Variants in OR4F6 observed in about 807,000 individuals in gnomAD.
OR4F6 encodes olfactory receptor 4F6.
OR4F6 carries 13 observed loss-of-function variants against 15.9 expected under a neutral mutation model. That is an observed-to-expected ratio of 0.82 (90% confidence interval 0.53 to 1.30). The LOEUF (loss-of-function observed/expected upper bound fraction) is 1.30. Ranked by LOEUF, OR4F6 falls within the 50% of genes most tolerant of loss-of-function variation. The pLI is 0.00. For synonymous variants in OR4F6, 150 were observed against 133.8 expected, an observed-to-expected ratio of 1.12 and a Z score of -0.83; for missense variants, 426 against 367.2, an observed-to-expected ratio of 1.16 and a Z score of -1.31.
Position 101,806,812 on chromosome 15 carries a change from C to A in OR4F6, c.*154C>A, listed in dbSNP as rs1436494875. ...TCCCAAATTGAATTGTGGTATCAAT[C>A]TCTTGCTTATATAGGAGATTTAAAG... is the stretch of plus-strand genomic sequence containing the variant. On this transcript the variant is annotated 3_prime_UTR_variant, in exon 2 of 2. Coordinates refer to ENST00000328882, the MANE Select transcript of OR4F6 (RefSeq NM_001005326.2). The A allele has an allele frequency of 4.0e-6, 2 of 502,660 alleles. No individual in the cohort carries two copies. The highest frequency in any genetic ancestry group is 7.4e-5 in the Admixed American group (2 of 26,986). 31.1% of individuals were successfully genotyped at this position (502,660 alleles called of 1,614,324 possible).
chr15:101,806,030 T>C lies in OR4F6; in HGVS notation c.311T>C (p.Ile104Thr), dbSNP rs1428811352. Residue 104 changes from isoleucine to threonine, a missense_variant, in exon 2 of 2, where the codon ATC becomes ACC. By Grantham distance (89) the Ile-to-Thr change is moderately conservative (BLOSUM62 -1). Transcript: ENST00000328882. Reference sequence around the variant, plus strand: ...GGCTGTGTAGTTCAGATCTTCTTTATCCATGCAGTTGGGGGAACTGAGATG... The same window carrying C: ...GGCTGTGTAGTTCAGATCTTCTTTACCCATGCAGTTGGGGGAACTGAGATG... The part of the protein sequence containing the change: ...FGGCVVQIFF[I>T]HAVGGTEMVL... 1.2e-6 allele frequency: 2 copies of C among 1,614,206 alleles called. No homozygotes were observed. The highest frequency in any genetic ancestry group is 4.5e-5 in the East Asian group (2 of 44,884).
chr15:101,804,391 C>A (rs1026124474), intron 1 of OR4F6, among the ~76,000 whole-genome samples: 10 of 152,182 alleles, frequency 6.6e-5, no homozygotes, highest in African/African-American at 2.4e-4. Context: ...CAGGGCTGAG[C>A]AACCTGAGCA....
In OR4F6 at chr15:101,805,882, T is replaced by A. The variant is rs753796049; in HGVS notation, c.163T>A (p.Leu55Ile). ...IVLTVTSDPR[L>I]QSPMYFLLAN... ...GCTAACTGTGACCTCTGACCCTCGT[T>A]TACAGTCCCCCATGTACTTCCTGCT... Residue 55 changes from leucine (L) to isoleucine (I), a missense_variant, in exon 2 of 2, where the codon TTA becomes ATA. Coordinates refer to ENST00000328882, the MANE Select transcript of OR4F6 (RefSeq NM_001005326.2). 5.0e-6 allele frequency: 8 copies of A among 1,614,068 alleles called. No homozygotes were observed. The highest frequency in any genetic ancestry group is 5.9e-6 in the Non-Finnish European group (7 of 1,180,052).
Position 101,806,618 on chromosome 15 carries a change from G to T in OR4F6, c.899G>T (p.Arg300Ile). ...AAAGAGATGATGGTGGCAATGAGAA[G>T]ACGATGCTCTCAGTTTGTGAATTAC... is the stretch of plus-strand genomic sequence containing the variant. ...RNKEMMVAMR[R>I]RCSQFVNYSK... is the part of the protein sequence containing the mutation. The change falls in exon 2 of 2, where the codon AGA (arginine) becomes ATA (isoleucine). Residue 300 changes from arginine to isoleucine, a missense_variant. By Grantham distance (97) the Arg-to-Ile change is moderately conservative (BLOSUM62 -3). Transcript: ENST00000328882. 1 of 1,595,066 alleles carries T rather than the reference G, an allele frequency of 6.3e-7. No homozygotes were observed. Among genetic ancestry groups the T allele is most frequent in the Non-Finnish European group, 8.5e-7 (1 of 1,172,970 alleles).
At position 101,805,692 on chromosome 15, in the gene OR4F6, A is replaced by C. The variant is rs1902783741; in HGVS notation, c.-28A>C. On this transcript the variant is annotated 5_prime_UTR_variant, in exon 2 of 2. An upstream start codon of the reference 5' UTR is lost. Transcript: ENST00000328882. ...TCCTTACTCTCCTCTTTCAGTTAGC[A>C]TGAGAGTTGTCACAGCCGACAGAGG... 2 of 1,552,832 alleles carry C rather than the reference A, an allele frequency of 1.3e-6. No individual in the cohort carries two copies. Among genetic ancestry groups the C allele is most frequent in the Non-Finnish European group, 1.8e-6 (2 of 1,136,730 alleles).
chr15:101,805,944 C>T lies in OR4F6; in HGVS notation c.225C>T (p.Ser75=). Residue 75 remains serine (S), a synonymous_variant, in exon 2 of 2, where the codon TCC becomes TCT. Transcript: ENST00000328882. ...CCATCATCAATTTGGTATTTTGTTC[C>T]TCCACAGCTCCCAAGATGATTTATG... The part of the protein sequence containing the change: ...NLSIINLVFC[S]STAPKMIYDL... 14 of 1,614,102 alleles carry T rather than the reference C, an allele frequency of 8.7e-6. No individual in the cohort carries two copies. The highest frequency in any genetic ancestry group is 1.2e-5 in the Non-Finnish European group (14 of 1,180,014).
chr15:101,805,281 T>C (rs192559116), intron 1 of OR4F6, among the ~76,000 whole-genome samples: 3 of 152,286 alleles, frequency 2.0e-5, no homozygotes, highest in Admixed American at 2.0e-4. Flanking sequence ...TTAGTGTATA[T>C]AAAGGTAAGG....
chr15:101,805,102 A>T (rs1047428167), intron 1 of OR4F6, among the ~76,000 whole-genome samples: 8 of 152,358 alleles, frequency 5.3e-5, no homozygotes, highest in Non-Finnish European at 1.0e-4. Context: ...TACTATTATC[A>T]TGCAAAAGTC....
rs1052237426 is a variant in OR4F6 at position 101,806,621 on chromosome 15, G to A, written c.902G>A (p.Arg301Gln). 39 of 1,592,534 alleles carry A rather than the reference G, an allele frequency of 2.4e-5. No individual in the cohort carries two copies. Among genetic ancestry groups the A allele is most frequent in the South Asian group, 4.6e-5 (4 of 86,974 alleles). The change falls in exon 2 of 2, where the codon CGA (arginine) becomes CAA (glutamine). Residue 301 changes from arginine to glutamine, a missense_variant. Transcript: ENST00000328882. ...NKEMMVAMRR[R>Q]CSQFVNYSKI... ...GAGATGATGGTGGCAATGAGAAGACGATGCTCTCAGTTTGTGAATTACAGT... is the reference window on the plus strand; with the variant it reads ...GAGATGATGGTGGCAATGAGAAGACAATGCTCTCAGTTTGTGAATTACAGT...
In OR4F6 at chr15:101,806,768, T is replaced by G; in HGVS notation, c.*110T>G. ...AATATCACTTTCTACTAGTATGTATTGTGTTGTCTTTTTTTTCTTCCCAAA... is the reference window on the plus strand; with the variant it reads ...AATATCACTTTCTACTAGTATGTATGGTGTTGTCTTTTTTTTCTTCCCAAA... On this transcript the variant is annotated 3_prime_UTR_variant, in exon 2 of 2. Coordinates refer to ENST00000328882, the MANE Select transcript of OR4F6 (RefSeq NM_001005326.2). The G allele has an allele frequency of 1.7e-6, 1 of 604,250 alleles. No homozygotes were observed. The highest frequency in any genetic ancestry group is 2.7e-6 in the Non-Finnish European group (1 of 366,196). The allele number at this position is 604,250 out of a possible 1,614,324, so 37.4% of individuals were successfully genotyped here.
chr15:101,806,405 C>A lies in OR4F6; in HGVS notation c.686C>A (p.Ser229Tyr). 7 of 1,613,630 alleles carry A rather than the reference C, an allele frequency of 4.3e-6. No individual in the cohort carries two copies. The highest frequency in any genetic ancestry group is 5.9e-6 in the Non-Finnish European group (7 of 1,179,834). ...ATTTTGGTGACTGTTCAGAAAAAAT[C>A]TTCAGGTGGTATATTCAAGGCTTTC... ...IFILVTVQKK[S>Y]SGGIFKAFSM... Residue 229 changes from serine (S) to tyrosine (Y), a missense_variant, in exon 2 of 2, where the codon TCT becomes TAT. By Grantham distance (144) the Ser-to-Tyr change is moderately radical (BLOSUM62 -2). Transcript: ENST00000328882.
At chr15:101,805,306 T>C (rs751443406) in intron 1 of OR4F6, among the ~76,000 whole-genome samples, 2 of 152,176 alleles carry the variant, frequency 1.3e-5, no homozygotes, top group Non-Finnish European at 2.9e-5. Context: ...CAAAGAGGAC[T>C]TCATGGAGAA....
At chr15:101,804,047 C>T (rs1902757849) in intron 1 of OR4F6, among the ~76,000 whole-genome samples, 1 of 152,180 alleles carries the variant, frequency 6.6e-6, no homozygotes, top group Admixed American at 6.5e-5. Flanking sequence ...GAGTCATTTA[C>T]CCTCTTTGTA....
At position 101,806,588 on chromosome 15, in the gene OR4F6, G is replaced by A. The variant is rs747416856; in HGVS notation, c.869G>A (p.Arg290Lys). 6.2e-6 allele frequency: 10 copies of A among 1,609,136 alleles called. No individual in the cohort carries two copies. The South Asian group carries it at 1.1e-4, about 18-fold the overall frequency. The change falls in exon 2 of 2, where the codon AGA becomes AAA. Residue 290 changes from arginine to lysine, a missense_variant. Physicochemically the swap from Arg to Lys is conservative, Grantham distance 26. Transcript: ENST00000328882. ...PVLNPVIYTFRNKEMMVAMRR... is the reference protein window; with the variant it reads ...PVLNPVIYTFKNKEMMVAMRR... ...TTGAATCCAGTCATCTATACTTTTA[G>A]AAATAAAGAGATGATGGTGGCAATG...
At position 101,806,560 on chromosome 15, in the gene OR4F6, G is replaced by A. The variant is rs761856071; in HGVS notation, c.841G>A (p.Val281Ile). 2.6e-5 allele frequency: 42 copies of A among 1,613,260 alleles called. No individual in the cohort carries two copies. Among genetic ancestry groups the A allele is most frequent in the Admixed American group, 8.3e-5 (5 of 59,958 alleles). Residue 281 changes from valine to isoleucine, a missense_variant, in exon 2 of 2, where the codon GTT (valine) becomes ATT (isoleucine). Val to Ile is a conservative substitution (Grantham distance 29). Transcript: ENST00000328882. The part of the protein sequence containing the change: ...LAIFDAVITP[V>I]LNPVIYTFRN... ...CATCTTTGATGCAGTTATCACTCCC[G>A]TTTTGAATCCAGTCATCTATACTTT...
rs1902797708 is a variant in OR4F6 at position 101,806,099 on chromosome 15, G to A, written c.380G>A (p.Cys127Tyr). 3 of 1,614,068 alleles carry A rather than the reference G, an allele frequency of 1.9e-6. No homozygotes were observed. Among genetic ancestry groups the A allele is most frequent in the Non-Finnish European group, 1.7e-6 (2 of 1,180,028 alleles). Residue 127 changes from cysteine (C) to tyrosine (Y), a missense_variant, in exon 2 of 2, where the codon TGT becomes TAT. Coordinates refer to ENST00000328882, the MANE Select transcript of OR4F6 (RefSeq NM_001005326.2). ...GCTTTTGACCGATATGTGGCCATAT[G>A]TAAGCCTCTCCACTACCTGACCATC... ...AMAFDRYVAI[C>Y]KPLHYLTIMN...
chr15:101,803,795 G>A, intron 1 of OR4F6, among the ~76,000 whole-genome samples: 1 of 152,168 alleles, frequency 6.6e-6, no homozygotes, highest in South Asian at 2.1e-4. Flanking sequence ...GTTGCGTGTG[G>A]GTCTCCAGGC....
chr15:101,806,325 T>C lies in OR4F6; in HGVS notation c.606T>C (p.Asn202=), dbSNP rs1412129643. The C allele has an allele frequency of 6.2e-7, 1 of 1,613,828 alleles. No homozygotes were observed. The highest frequency in any genetic ancestry group is 8.5e-7 in the Non-Finnish European group (1 of 1,179,790). ...CATTGGGATTCATGGTTACTGCCAA[T>C]AGTGGATTTATTTCTCTGGCTTCTT... ...TYTLGFMVTA[N]SGFISLASFL... is the part of the protein sequence containing the mutation. The change falls in exon 2 of 2, where the codon AAT becomes AAC. Residue 202 remains asparagine, a synonymous_variant. Coordinates refer to ENST00000328882, the MANE Select transcript of OR4F6 (RefSeq NM_001005326.2).
intron 1 of OR4F6, 144 bp from the exon 2 acceptor site, chr15:101,805,543 G>A: frequency 1.7e-6 from 1 of 591,654 alleles, no homozygotes; most frequent in East Asian, 2.8e-5. Flanking sequence ...AGAGGAATAT[G>A]AGTTGCTTTG....
Sources: allele counts gnomAD v4.1 joint callset (sites outside exome capture counted in the v4.1 genomes callset), GRCh38; gene constraint gnomAD v4.1.1; transcripts MANE v1.5; gene names NCBI Gene and HGNC (gene_info 2026-07-23, HGNC 2026-07-21).